DNAH17: variants seen among roughly 807,000 people sequenced by gnomAD.
The protein encoded by DNAH17 is dynein axonemal heavy chain 17.
In DNAH17, 376 loss-of-function variants were observed where a neutral mutation model predicts 485.6. The observed-to-expected ratio is 0.77, with a 90% CI of 0.71 to 0.84. The LOEUF (loss-of-function observed/expected upper bound fraction) is 0.84. Ranked by LOEUF, DNAH17 falls within the 40% of genes least tolerant of loss-of-function variation. DNAH17 has a pLI of 0.00. For synonymous variants in DNAH17, 3,031 were observed against 2,405.9 expected (o/e 1.26, Z -7.60); for missense variants, 6,370 against 5,839.3 (o/e 1.09, Z -2.96).
At position 78,501,764 on chromosome 17, in the gene DNAH17, A is replaced by G. The variant is rs1375646087; in HGVS notation, c.5300T>C (p.Val1767Ala). Residue 1767 changes from valine (V) to alanine (A), a missense_variant, in exon 34 of 81, where the codon GTG becomes GCG. Val to Ala is a moderately conservative substitution (Grantham distance 64). Transcript: ENST00000389840. The part of the protein sequence containing the change: ...CTIDVHARDV[V>A]AKMIVAKVES... ...TGCCTTGGCCACGATCATTTTGGCC[A>G]CCACGTCCCGTGCGTGCACATCGAT... 1.9e-6 allele frequency: 3 copies of G among 1,613,454 alleles called. No individual in the cohort carries two copies. The African/African-American group carries it at 4.0e-5, about 22-fold the overall frequency.
At chr17:78,498,976 G>C (rs535573332) in intron 37 of DNAH17, 32 bp downstream of exon 37, 5 of 1,548,802 alleles carry the variant, frequency 3.2e-6, no homozygotes, top group Non-Finnish European at 4.4e-6. Flanking sequence ...GTCACCCGAC[G>C]TGACCCCGAG....
intron 69 of DNAH17, among the ~76,000 whole-genome samples, chr17:78,446,543 C>A (rs1000530357): frequency 6.6e-6 from 1 of 152,222 alleles, no homozygotes; most frequent in Non-Finnish European, 1.5e-5. Flanking sequence ...TTGAATATAA[C>A]CACGCTGGCA....
chr17:78,459,769 C>T lies in DNAH17; in HGVS notation c.9653+15G>A. 6.2e-7 allele frequency: 1 copy of T among 1,613,582 alleles called. No individual in the cohort carries two copies. Among genetic ancestry groups the T allele is most frequent in the South Asian group, 1.1e-5 (1 of 91,040 alleles). ...CGGAGGGAAGCCCCGGCTACGAGGCCCAGCCCCGACTCACTTGAAGGCCTT... is the reference window on the plus strand; with the variant it reads ...CGGAGGGAAGCCCCGGCTACGAGGCTCAGCCCCGACTCACTTGAAGGCCTT... On this transcript the variant is annotated intron_variant, in intron 60 of 80. Transcript: ENST00000389840.
intron 54 of DNAH17, among the ~76,000 whole-genome samples, chr17:78,469,609 C>G (rs1302464046): frequency 6.6e-6 from 1 of 152,166 alleles, no homozygotes; most frequent in Non-Finnish European, 1.5e-5. Flanking sequence ...AAGAAGGGTG[C>G]AGGAGACCCA....
chr17:78,434,198 T>A lies in DNAH17; in HGVS notation c.12056A>T (p.Lys4019Met). 1 of 1,611,916 alleles carries A rather than the reference T, an allele frequency of 6.2e-7. No homozygotes were observed. The highest frequency in any genetic ancestry group is 8.5e-7 in the Non-Finnish European group (1 of 1,178,544). The change falls in exon 75 of 81, where the codon AAG becomes ATG. Residue 4019 changes from lysine to methionine, a missense_variant. Transcript: ENST00000389840. ...GAGCATGCACTTGAACTCCATCTCC[T>A]TGGTGCACATCTCCAGGGTGTCCTG... Reference protein sequence around the residue: ...FTQDTLEMCTKEMEFKCMLFA... With the variant: ...FTQDTLEMCTMEMEFKCMLFA...
intron 66 of DNAH17, among the ~76,000 whole-genome samples, chr17:78,451,175 C>T (rs934322540): frequency 6.6e-6 from 1 of 152,244 alleles, no homozygotes; most frequent in Admixed American, 6.5e-5. Flanking sequence ...TCTTGCAGGG[C>T]AGCGCTTTGG....
chr17:78,540,390 A>C (rs1011717797), intron 17 of DNAH17, among the ~76,000 whole-genome samples: 1 of 107,486 alleles, frequency 9.3e-6, no homozygotes, highest in African/African-American at 3.7e-5. Flanking sequence ...GGATAGCTGG[A>C]TGGATGGATG....
intron 34 of DNAH17, 54 bp downstream of exon 34, chr17:78,501,688 G>A (rs906256887): frequency 1.3e-6 from 2 of 1,595,374 alleles, no homozygotes; most frequent in Non-Finnish European, 1.7e-6. Context: ...GCACTGCCCT[G>A]AACCCGGTGT....
At chr17:78,552,029 A>G (rs2091913558) in intron 15 of DNAH17, among the ~76,000 whole-genome samples, 2 of 152,242 alleles carry the variant, frequency 1.3e-5, no homozygotes, top group African/African-American at 2.4e-5. Flanking sequence ...ACTCATCACT[A>G]TGAGACAGCC....
rs530134322 is a variant in DNAH17 at position 78,574,764 on chromosome 17, G to A, written c.294C>T (p.Tyr98=). The A allele has an allele frequency of 4.7e-5, 76 of 1,613,758 alleles. No individual in the cohort carries two copies. The highest frequency in any genetic ancestry group is 1.6e-4 in the African/African-American group (12 of 75,034). ...NKDNYRARLL[Y]GDISPTPVDQ... ...CCACGGGTGTGGGGCTGATGTCGCCGTAAAGGAGCCGGGCCCTGTAGTTGT... is the reference window on the plus strand; with the variant it reads ...CCACGGGTGTGGGGCTGATGTCGCCATAAAGGAGCCGGGCCCTGTAGTTGT... Residue 98 remains tyrosine, a synonymous_variant, in exon 2 of 81, where the codon TAC becomes TAT. Transcript: ENST00000389840.
intron 78 of DNAH17, 67 bp downstream of exon 78, chr17:78,426,859 G>A: frequency 6.5e-7 from 1 of 1,541,358 alleles, no homozygotes; most frequent in Non-Finnish European, 8.8e-7. Flanking sequence ...TGGGTTGCCA[G>A]AGGCCTGGGT....
At chr17:78,453,696 T>C (rs558656470) in intron 64 of DNAH17, among the ~76,000 whole-genome samples, 86 of 152,148 alleles carry the variant, frequency 5.7e-4, no homozygotes, top group African/African-American at 2.0e-3. Flanking sequence ...TGGAAACAGT[T>C]TTGCTTTTTG....
At chr17:78,558,810 G>A (rs2092088843) in intron 13 of DNAH17, among the ~76,000 whole-genome samples, 1 of 152,146 alleles carries the variant, frequency 6.6e-6, no homozygotes, top group Admixed American at 6.5e-5. Flanking sequence ...ATCAACAACA[G>A]GGACATCCCT....
chr17:78,459,529 G>A (rs1273689848), intron 60 of DNAH17, among the ~76,000 whole-genome samples: 2 of 152,250 alleles, frequency 1.3e-5, no homozygotes, highest in East Asian at 1.9e-4. Flanking sequence ...GCATGTGCTC[G>A]TGTGGTCAGC....
Position 78,450,402 on chromosome 17 carries a change from C to T in DNAH17, c.10900-8G>A. 5 of 1,613,668 alleles carry T rather than the reference C, an allele frequency of 3.1e-6. No individual in the cohort carries two copies. The highest frequency in any genetic ancestry group is 4.2e-6 in the Non-Finnish European group (5 of 1,179,798). On this transcript the variant is annotated splice_polypyrimidine_tract_variant and splice_region_variant and intron_variant, in intron 67 of 80. Transcript: ENST00000389840. ...GATTTTTGCCTCCACCACCTCGACACAAACAAAAGGGGTGTGAATGACACA... is the reference window on the plus strand; with the variant it reads ...GATTTTTGCCTCCACCACCTCGACATAAACAAAAGGGGTGTGAATGACACA...
intron 44 of DNAH17, 87 bp downstream of exon 44, chr17:78,490,612 A>G: frequency 6.7e-7 from 1 of 1,488,416 alleles, no homozygotes; most frequent in Non-Finnish European, 9.0e-7. Flanking sequence ...GACATGAATG[A>G]TGAATGAATA....
chr17:78,543,549 C>T (rs1458389249), intron 17 of DNAH17, among the ~76,000 whole-genome samples: 1 of 152,138 alleles, frequency 6.6e-6, no homozygotes, highest in Non-Finnish European at 1.5e-5. Context: ...CTCGGCCTCC[C>T]AAAGTGCTGG....
intron 48 of DNAH17, among the ~76,000 whole-genome samples, chr17:78,483,307 A>G (rs9302876): frequency 0.75 from 114,224 of 152,054 alleles, 43,050 homozygotes; most frequent in Admixed American, 0.82. Flanking sequence ...GGAAAAGGCA[A>G]GTGATGGAGT....
intron 16 of DNAH17, among the ~76,000 whole-genome samples, chr17:78,545,473 AGAT>A (rs1339995855): frequency 9.2e-5 from 14 of 152,282 alleles, no homozygotes; most frequent in East Asian, 5.8e-4. Flanking sequence ...CCTGGTGGGC[AGAT>A]GATGATGGCC....
Sources: allele counts gnomAD v4.1 joint callset (sites outside exome capture counted in the v4.1 genomes callset), GRCh38; gene constraint gnomAD v4.1.1; transcripts MANE v1.5; gene names NCBI Gene and HGNC (gene_info 2026-07-23, HGNC 2026-07-21).